MSH5: variants seen among roughly 807,000 people sequenced by gnomAD.
MSH5 encodes the protein mutS homolog 5, also known as mutS protein homolog 5.
Under a neutral mutation model 107.7 loss-of-function variants are expected in MSH5, and 78 were observed. The observed-to-expected ratio is 0.72, with a 90% CI of 0.60 to 0.87. The LOEUF (loss-of-function observed/expected upper bound fraction) is 0.87, where lower values mean the gene tolerates loss of function less well. Among genes scored for constraint, MSH5 ranks in the 40% least tolerant of loss-of-function variants. The pLI, the probability that MSH5 is intolerant of heterozygous loss-of-function variation, is 0.00. For missense variants in MSH5, 889 were observed against 1,046.6 expected, an observed-to-expected ratio of 0.85 and a Z score of 2.08; for synonymous variants, 326 against 399.5, an observed-to-expected ratio of 0.82 and a Z score of 2.19.
At position 31,740,511 on chromosome 6, in the gene MSH5, G is replaced by C. The variant is rs774097477; in HGVS notation, c.45G>C (p.Pro15=). Residue 15 remains proline, a synonymous_variant, in exon 2 of 25, where the codon CCG becomes CCC. Transcript: ENST00000375750. This position sits in a 1 kb window ranked among gnomAD's most constrained non-coding sequence, Gnocchi z 4.4. ...GANPRRTPQG[P]RPGAASSGFP... is the part of the protein sequence containing the mutation. ...ACCCAAGGAGGACACCGCAGGGACC[G>C]AGACCTGGGGCGGCCTCCTCCGGCT... The C allele has an allele frequency of 2.8e-5, 43 of 1,562,424 alleles. No homozygotes were observed. The highest frequency in any genetic ancestry group is 3.3e-5 in the Non-Finnish European group (38 of 1,153,310).
At chr6:31,744,994 C>T (rs1157054546) in intron 8 of MSH5, among the ~76,000 whole-genome samples, 2 of 151,580 alleles carry the variant, frequency 1.3e-5, no homozygotes, top group Non-Finnish European at 2.9e-5. Context: ...GTAATCCCAG[C>T]CACTCAGGAG....
Position 31,740,527 on chromosome 6 carries a change from T to A in MSH5, c.61T>A (p.Ser21Thr). The change falls in exon 2 of 25, where the codon TCC (serine) becomes ACC (threonine). Residue 21 changes from serine to threonine, a missense_variant. Physicochemically the swap from Ser to Thr is moderately conservative, Grantham distance 58. Coordinates refer to ENST00000375750, the MANE Select transcript of MSH5 (RefSeq NM_172166.4). This position sits in a 1 kb window ranked among gnomAD's most constrained non-coding sequence, Gnocchi z 4.4. ...TPQGPRPGAASSGFPSPAPVP... is the reference protein window; with the variant it reads ...TPQGPRPGAATSGFPSPAPVP... Reference sequence around the variant, plus strand: ...GCAGGGACCGAGACCTGGGGCGGCCTCCTCCGGCTTCCCCAGCCCGGCCCC... The same window carrying A: ...GCAGGGACCGAGACCTGGGGCGGCCACCTCCGGCTTCCCCAGCCCGGCCCC... The A allele has an allele frequency of 1.3e-6, 2 of 1,543,880 alleles. No homozygotes were observed. Among genetic ancestry groups the A allele is most frequent in the Non-Finnish European group, 1.7e-6 (2 of 1,144,292 alleles).
intron 9 of MSH5, 21 bp downstream of exon 9, chr6:31,745,340 A>G: frequency 3.2e-6 from 5 of 1,565,440 alleles, no homozygotes; most frequent in Non-Finnish European, 4.4e-6. Context: ...CCCATCCCTC[A>G]TCTCACATTA....
chr6:31,746,946 A>G (rs1264667022), intron 9 of MSH5, among the ~76,000 whole-genome samples: 3 of 152,008 alleles, frequency 2.0e-5, no homozygotes, highest in Non-Finnish European at 4.4e-5. Context: ...CAGCCTCCCG[A>G]GTAGCTGGGA....
intron 12 of MSH5, among the ~76,000 whole-genome samples, chr6:31,754,843 C>T (rs1810300886): frequency 6.6e-6 from 1 of 151,286 alleles, no homozygotes; most frequent in Non-Finnish European, 1.5e-5. Flanking sequence ...CCTCCGCCTC[C>T]CAGGTTCAAG....
rs779556401 is a variant in MSH5 at position 31,761,821 on chromosome 6, A to G, written c.2185A>G (p.Met729Val). 1.9e-6 allele frequency: 3 copies of G among 1,612,994 alleles called. No homozygotes were observed. The highest frequency in any genetic ancestry group is 1.3e-5 in the African/African-American group (1 of 74,928). The change falls in exon 23 of 25, where the codon ATG becomes GTG. Residue 729 changes from methionine (M) to valine (V), a missense_variant. This residue lies in a region of MSH5 where 362 missense variants were observed against 456.2 expected (regional missense o/e 0.79). Transcript: ENST00000375750. This position sits in a 1 kb window ranked among gnomAD's most constrained non-coding sequence, Gnocchi z 5.3. ...CTGTCTTTTATTCTCTTTTAAGACCATGGAGACCTGTGAGGATGGCAACGA... is the reference window on the plus strand; with the variant it reads ...CTGTCTTTTATTCTCTTTTAAGACCGTGGAGACCTGTGAGGATGGCAACGA... Reference protein sequence around the residue: ...PQGPLVQYLTMETCEDGNDLV... With the variant: ...PQGPLVQYLTVETCEDGNDLV...
chr6:31,761,409 C>G lies in MSH5; in HGVS notation c.2038-63C>G. The G allele has an allele frequency of 6.2e-7, 1 of 1,606,668 alleles. No individual in the cohort carries two copies. Among genetic ancestry groups the G allele is most frequent in the Non-Finnish European group, 8.5e-7 (1 of 1,176,184 alleles). On this transcript the variant is annotated intron_variant, in intron 21 of 24. Coordinates refer to ENST00000375750, the MANE Select transcript of MSH5 (RefSeq NM_172166.4). The surrounding 1 kb of genome is among the most constrained non-coding windows in gnomAD (Gnocchi z 5.3). ...GAACACGAGACAGGGAAAGGCAGTG[C>G]AAGTGCAGAGGGGCATATGGGGTCC...
Position 31,761,853 on chromosome 6 carries a change from C to T in MSH5, c.2217C>T (p.Val739=). ...CCTGTGAGGATGGCAACGATCTTGT[C>T]TTCTTCTATCAGGTTTGCGAAGGTG... The part of the protein sequence containing the change: ...METCEDGNDL[V]FFYQVCEGVA... Residue 739 remains valine, a synonymous_variant, in exon 23 of 25, where the codon GTC becomes GTT. Coordinates refer to ENST00000375750, the MANE Select transcript of MSH5 (RefSeq NM_172166.4). The surrounding 1 kb of genome is among the most constrained non-coding windows in gnomAD (Gnocchi z 5.3). The T allele has an allele frequency of 2.5e-6, 4 of 1,613,084 alleles. No homozygotes were observed. Among genetic ancestry groups the T allele is most frequent in the Non-Finnish European group, 3.4e-6 (4 of 1,180,012 alleles).
rs780356103 is a variant in MSH5, at chr6:31,760,651, C to T, written c.1813-39C>T. ...TGAGCCTCACTTTCACCTCAGCCCA[C>T]GGCACCAGGCCCCAGGCCCTGTCTC... On this transcript the variant is annotated intron_variant, in intron 19 of 24. Coordinates refer to ENST00000375750, the MANE Select transcript of MSH5 (RefSeq NM_172166.4). This position sits in a 1 kb window ranked among gnomAD's most constrained non-coding sequence, Gnocchi z 5.6. 16 of 1,611,902 alleles carry T rather than the reference C, an allele frequency of 9.9e-6. No individual in the cohort carries two copies. Among genetic ancestry groups the T allele is most frequent in the African/African-American group, 5.3e-5 (4 of 74,922 alleles).
chr6:31,755,255 G>A (rs1045807846), intron 12 of MSH5, among the ~76,000 whole-genome samples: 1 of 152,030 alleles, frequency 6.6e-6, no homozygotes, highest in Non-Finnish European at 1.5e-5. Flanking sequence ...GGGCTCAAGC[G>A]ATCCTCCCCC....
At chr6:31,745,515 A>G (rs1267192972) in intron 9 of MSH5, among the ~76,000 whole-genome samples, 196 bp downstream of exon 9, 1 of 149,970 alleles carries the variant, frequency 6.7e-6, no homozygotes, top group East Asian at 2.0e-4. Flanking sequence ...GTGGCTGTAC[A>G]GTGTTGTTGC....
chr6:31,749,039 C>T (rs558158449), intron 10 of MSH5, among the ~76,000 whole-genome samples: 7 of 151,988 alleles, frequency 4.6e-5, no homozygotes, highest in South Asian at 2.1e-4. Flanking sequence ...CCTCAGCCTC[C>T]GGAGTAGCTG....
chr6:31,742,814 G>A (rs1338050742), intron 3 of MSH5, 63 bp from the exon 4 acceptor site: 2 of 1,516,532 alleles, frequency 1.3e-6, no homozygotes, highest in Non-Finnish European at 1.8e-6. Context: ...GGAGGGCTAT[G>A]GGTTTTCTCT....
rs373046905 is a variant in MSH5 at position 31,760,249 on chromosome 6, C to T, written c.1812+33C>T. 1.4e-5 allele frequency: 21 copies of T among 1,544,280 alleles called. No individual in the cohort carries two copies. In the South Asian group the frequency reaches 1.4e-4, roughly 10 times the overall value. On this transcript the variant is annotated intron_variant, in intron 19 of 24. Coordinates refer to ENST00000375750, the MANE Select transcript of MSH5 (RefSeq NM_172166.4). The surrounding 1 kb of genome is among the most constrained non-coding windows in gnomAD (Gnocchi z 5.6). ...GAAGCCCTGCAGCCTGGGCCTCTGG[C>T]GTCTCCTGCATCTACTCCACCCCTA... is the stretch of plus-strand genomic sequence containing the variant.
chr6:31,746,525 G>A lies in MSH5; in HGVS notation c.767-862G>A, dbSNP rs140330258. Among the ~76,000 whole-genome samples, 69 of 151,978 alleles carry A rather than the reference G, an allele frequency of 4.5e-4. No homozygotes were observed. The Middle Eastern group carries it at 0.014, about 30-fold the overall frequency. On this transcript the variant is annotated intron_variant, in intron 9 of 24. Coordinates refer to ENST00000375750, the MANE Select transcript of MSH5 (RefSeq NM_172166.4). ...ACAATTTAGGCTCACTGCAACCTCCGCCTCTTGGGTTCAAGTGATTCTTCT... is the reference window on the plus strand; with the variant it reads ...ACAATTTAGGCTCACTGCAACCTCCACCTCTTGGGTTCAAGTGATTCTTCT...
chr6:31,740,611 G>C lies in MSH5; in HGVS notation c.145G>C (p.Glu49Gln). Residue 49 changes from glutamate to glutamine, a missense_variant and splice_region_variant, in exon 2 of 25, where the codon GAG becomes CAG. Around this residue, in one of 3 missense-constraint regions of MSH5, gnomAD observed 518 missense variants for 565.0 expected, o/e 0.92. Coordinates refer to ENST00000375750, the MANE Select transcript of MSH5 (RefSeq NM_172166.4). This position sits in a 1 kb window ranked among gnomAD's most constrained non-coding sequence, Gnocchi z 4.4. The part of the protein sequence containing the change: ...EEVEEEEELA[E>Q]IHLCVLWNSG... Reference sequence around the variant, plus strand: ...AGTCGAGGAGGAGGAGGAGCTGGCCGAGGTCTCTGAGGGGAGTAGAAACTT... The same window carrying C: ...AGTCGAGGAGGAGGAGGAGCTGGCCCAGGTCTCTGAGGGGAGTAGAAACTT... 1 of 1,498,610 alleles carries C rather than the reference G, an allele frequency of 6.7e-7. No homozygotes were observed. The allele number at this position is 1,498,610 out of a possible 1,614,324, so 92.8% of individuals were successfully genotyped here. A position where few individuals can be genotyped will look rare whatever the true frequency, so the allele number is the denominator to read the frequency against.
chr6:31,756,796 A>G, intron 12 of MSH5: 1 of 151,880 alleles, frequency 6.6e-6, no homozygotes, highest in East Asian at 1.9e-4. Context: ...GTGTGCCACC[A>G]TGCCTGGCTA....
Position 31,759,962 on chromosome 6 carries a change from A to T in MSH5, c.1672A>T (p.Ile558Phe). 1 of 1,614,184 alleles carries T rather than the reference A, an allele frequency of 6.2e-7. No homozygotes were observed. The highest frequency in any genetic ancestry group is 8.5e-7 in the Non-Finnish European group (1 of 1,180,030). ...CTCCCCACAAGTCCTTGGGGTACGA[A>T]TCCAGAATGGCAGGTAAGAATAGAG... The part of the protein sequence containing the change: ...RYSPQVLGVR[I>F]QNGRHPLMEL... The change falls in exon 18 of 25, where the codon ATC becomes TTC. Residue 558 changes from isoleucine to phenylalanine, a missense_variant. Coordinates refer to ENST00000375750, the MANE Select transcript of MSH5 (RefSeq NM_172166.4). The surrounding 1 kb of genome is among the most constrained non-coding windows in gnomAD (Gnocchi z 4.7).
At chr6:31,743,305 C>T (rs1809088224) in intron 5 of MSH5, 135 bp downstream of exon 5, 2 of 883,392 alleles carry the variant, frequency 2.3e-6, no homozygotes, top group Non-Finnish European at 3.7e-6. Flanking sequence ...TGCCCTATGA[C>T]CTGTCCCCCC....
Sources: allele counts gnomAD v4.1 joint callset (sites outside exome capture counted in the v4.1 genomes callset), GRCh38; gene constraint gnomAD v4.1.1; regional missense constraint gnomAD v4.1.1; non-coding constraint Gnocchi (gnomAD v3.1); transcripts MANE v1.5; gene names NCBI Gene and HGNC (gene_info 2026-07-23, HGNC 2026-07-21).